TLL1: variants seen among roughly 807,000 people sequenced by gnomAD.
TLL1 encodes tolloid-like protein 1.
A neutral mutation model predicts 128.2 loss-of-function variants in TLL1; 49 were observed. That is an observed-to-expected ratio of 0.38 (90% confidence interval 0.30 to 0.48). The LOEUF (loss-of-function observed/expected upper bound fraction) is 0.48, where lower values mean the gene tolerates loss of function less well. Among genes scored for constraint, TLL1 ranks in the 20% least tolerant of loss-of-function variants. TLL1 has a pLI of 0.96. For synonymous variants in TLL1, 454 were observed against 418.8 expected (o/e 1.08, Z -1.03); for missense variants, 1,123 against 1,242.0 (o/e 0.90, Z 1.44).
At chr4:166,066,118 A>G (rs1017966924) in intron 16 of TLL1, among the ~76,000 whole-genome samples, 2 of 151,768 alleles carry the variant, frequency 1.3e-5, no homozygotes, top group East Asian at 1.9e-4. Context: ...TGTTCGGAAA[A>G]TGTAGTCTCA....
chr4:165,936,858 G>A (rs748115296), intron 1 of TLL1, among the ~76,000 whole-genome samples: 8 of 152,062 alleles, frequency 5.3e-5, no homozygotes, highest in South Asian at 2.1e-4. Context: ...GCTTGAACAC[G>A]GGAGGCAGAG....
chr4:166,074,223 C>G (rs1469257828), intron 16 of TLL1, among the ~76,000 whole-genome samples: 2 of 151,732 alleles, frequency 1.3e-5, no homozygotes, highest in Non-Finnish European at 2.9e-5. Context: ...AACTTGTCTA[C>G]CAGAGTAGAT....
chr4:165,994,992 A>T, intron 4 of TLL1, 69 bp from the exon 5 acceptor site: 1 of 1,255,314 alleles, frequency 8.0e-7, no homozygotes, highest in Non-Finnish European at 1.2e-6. Context: ...GACTTAGGGT[A>T]GAGGATGCAG....
intron 12 of TLL1, among the ~76,000 whole-genome samples, chr4:166,054,072 C>T (rs1739886781): frequency 6.6e-6 from 1 of 152,058 alleles, no homozygotes; most frequent in Non-Finnish European, 1.5e-5. Flanking sequence ...CCAATAGTCT[C>T]ACCTGATATT....
chr4:165,912,049 G>A (rs991294502), intron 1 of TLL1, among the ~76,000 whole-genome samples: 32 of 152,076 alleles, frequency 2.1e-4, no homozygotes, highest in South Asian at 2.1e-4. Flanking sequence ...CTAATTTTTT[G>A]TATTTTTAGT....
intron 8 of TLL1, among the ~76,000 whole-genome samples, chr4:166,020,517 T>C (rs1738170022): frequency 6.6e-6 from 1 of 152,174 alleles, no homozygotes; most frequent in Admixed American, 6.5e-5. Flanking sequence ...TGATTTGTTC[T>C]CAGATTTTCT....
intron 16 of TLL1, among the ~76,000 whole-genome samples, chr4:166,071,099 C>T (rs1002774061): frequency 6.6e-6 from 1 of 151,900 alleles, no homozygotes; most frequent in Non-Finnish European, 1.5e-5. Context: ...CCATTTATTT[C>T]AGATCCTGAA....
At chr4:166,049,165 G>A (rs1036658584) in intron 12 of TLL1, among the ~76,000 whole-genome samples, 1 of 152,036 alleles carries the variant, frequency 6.6e-6, no homozygotes, top group African/African-American at 2.4e-5. Flanking sequence ...CATGAATTAC[G>A]GTCTAGGCTA....
At chr4:165,945,634 G>C (rs544580130) in intron 1 of TLL1, among the ~76,000 whole-genome samples, 1 of 152,056 alleles carries the variant, frequency 6.6e-6, no homozygotes, top group Non-Finnish European at 1.5e-5. Flanking sequence ...CAACTAAAAA[G>C]ATTATATAAA....
intron 18 of TLL1, among the ~76,000 whole-genome samples, chr4:166,084,634 G>A (rs1741422850): frequency 6.6e-6 from 1 of 152,060 alleles, no homozygotes; most frequent in African/African-American, 2.4e-5. Flanking sequence ...CATTAGAGGA[G>A]ACTGTCCTTT....
chr4:166,083,445 C>CTCTTAAA (rs1198958901), intron 18 of TLL1, among the ~76,000 whole-genome samples: 1 of 122,652 alleles, frequency 8.2e-6, no homozygotes, highest in Non-Finnish European at 1.9e-5. Context: ...ATATTATTAA[C>CTCTTAAA]TATAAGTCAC....
chr4:166,016,191 T>A (rs1461046546), intron 8 of TLL1, among the ~76,000 whole-genome samples: 1 of 152,100 alleles, frequency 6.6e-6, no homozygotes. Flanking sequence ...GTATATTTTT[T>A]AAAATCAAAT....
intron 17 of TLL1, among the ~76,000 whole-genome samples, chr4:166,077,507 G>GA (rs1741088800): frequency 1.3e-5 from 2 of 152,138 alleles, no homozygotes; most frequent in Admixed American, 6.6e-5. Flanking sequence ...TCCTTTATAG[G>GA]AAAAAAATTG....
intron 13 of TLL1, among the ~76,000 whole-genome samples, chr4:166,056,918 ATGAAT>A (rs1428660962): frequency 6.6e-6 from 1 of 152,156 alleles, no homozygotes; most frequent in Non-Finnish European, 1.5e-5. Flanking sequence ...AATGGAAGAA[ATGAAT>A]TGTTTCCATT....
intron 1 of TLL1, among the ~76,000 whole-genome samples, chr4:165,882,349 G>A (rs1171949745): frequency 6.6e-6 from 1 of 152,086 alleles, no homozygotes; most frequent in Non-Finnish European, 1.5e-5. Context: ...ATTCCTGCTT[G>A]TACTTGTTTC....
intron 8 of TLL1, among the ~76,000 whole-genome samples, chr4:166,024,658 G>C (rs938408846): frequency 3.9e-5 from 6 of 151,966 alleles, no homozygotes; most frequent in African/African-American, 1.5e-4. Flanking sequence ...TGGTTCCAGG[G>C]AATTAGACAA....
At chr4:166,044,067 C>A (rs1204333418) in intron 12 of TLL1, among the ~76,000 whole-genome samples, 2 of 151,984 alleles carry the variant, frequency 1.3e-5, no homozygotes, top group East Asian at 3.9e-4. Context: ...CATTTAAAGC[C>A]AAGAAATAGA....
intron 1 of TLL1, among the ~76,000 whole-genome samples, chr4:165,953,066 T>C (rs913001177): frequency 2.0e-5 from 3 of 152,056 alleles, no homozygotes; most frequent in Non-Finnish European, 4.4e-5. Context: ...AAAATGAAGG[T>C]CAGAATAAGA....
At chr4:166,047,241 T>A (rs1462309690) in intron 12 of TLL1, among the ~76,000 whole-genome samples, 1 of 151,630 alleles carries the variant, frequency 6.6e-6, no homozygotes, top group African/African-American at 2.4e-5. Context: ...CTCGGTTCAC[T>A]GCAACCTCCA....
Sources: gnomAD v4.1 joint callset for allele counts (sites outside exome capture counted in the v4.1 genomes callset) on GRCh38, gnomAD v4.1.1 for gene constraint, MANE v1.5 for transcripts, NCBI Gene and HGNC (gene_info 2026-07-23, HGNC 2026-07-21) for gene names.